Variants in TXLNB observed in about 807,000 individuals in gnomAD.
TXLNB encodes the protein beta-taxilin.
TXLNB carries 37 observed loss-of-function variants against 57.4 expected under a neutral mutation model. The observed-to-expected ratio is 0.64, with a 90% CI of 0.50 to 0.85. The LOEUF (loss-of-function observed/expected upper bound fraction) is 0.85. Among genes scored for constraint, TXLNB ranks in the 40% least tolerant of loss-of-function variants. The pLI, the probability that TXLNB is intolerant of heterozygous loss-of-function variation, is 0.00. For missense variants in TXLNB, 848 were observed against 825.6 expected (o/e 1.03, Z -0.33); for synonymous variants, 302 against 309.6 (o/e 0.98, Z 0.26).
chr6:139,235,631 T>C (rs1485801516), downstream of TXLNB, among the ~76,000 whole-genome samples: 1 of 151,934 alleles, frequency 6.6e-6, no homozygotes, highest in Non-Finnish European at 1.5e-5. Flanking sequence ...CTTATGATAG[T>C]GATATGGGAT....
Position 139,247,784 on chromosome 6 carries a change from G to A in TXLNB, c.1170+33C>T, listed in dbSNP as rs763779803. 5.5e-6 allele frequency: 8 copies of A among 1,448,066 alleles called. No homozygotes were observed. The East Asian group carries it at 1.6e-4, about 30-fold the overall frequency. The allele number at this position is 1,448,066 out of a possible 1,614,324, so 89.7% of individuals were successfully genotyped here. On this transcript the variant is annotated intron_variant, in intron 8 of 9. Transcript: ENST00000358430. ...AAATTTGCCTGTCAAAATAGAAAAT[G>A]TCAATATTTTGTTGGTGATAAGCAA...
chr6:139,190,283 T>A, the TXLNB span, among the ~76,000 whole-genome samples: 1 of 151,402 alleles, frequency 6.6e-6, no homozygotes, highest in Non-Finnish European at 1.5e-5. Context: ...TGGTGTCTGG[T>A]TGAGGGCCTG....
chr6:139,269,704 T>C (rs1047202655), intron 4 of TXLNB, among the ~76,000 whole-genome samples: 3 of 152,204 alleles, frequency 2.0e-5, no homozygotes, highest in African/African-American at 7.2e-5. Flanking sequence ...TGGTGTCTGA[T>C]TAATTATTAT....
chr6:139,266,180 G>C (rs1232702526), intron 4 of TXLNB, among the ~76,000 whole-genome samples: 1 of 152,112 alleles, frequency 6.6e-6, no homozygotes, highest in Non-Finnish European at 1.5e-5. Context: ...CAATATCCAG[G>C]ATCCAATAGA....
At chr6:139,211,744 G>A in the TXLNB span, among the ~76,000 whole-genome samples, 3 of 152,106 alleles carry the variant, frequency 2.0e-5, no homozygotes, top group Non-Finnish European at 2.9e-5. Context: ...AAAATTAGAC[G>A]AATGGATAAC....
At chr6:139,183,832 C>G in the TXLNB span, among the ~76,000 whole-genome samples, 1 of 151,698 alleles carries the variant, frequency 6.6e-6, no homozygotes, top group South Asian at 2.1e-4. Flanking sequence ...AGGTTCGGTA[C>G]GTGCAAAATC....
At chr6:139,323,696 C>G in the TXLNB span, among the ~76,000 whole-genome samples, 1 of 152,220 alleles carries the variant, frequency 6.6e-6, no homozygotes, top group Non-Finnish European at 1.5e-5. Flanking sequence ...CTCTGTACAT[C>G]TGCTGCATTG....
At chr6:139,259,314 C>T (rs1007141059) in intron 6 of TXLNB, among the ~76,000 whole-genome samples, 1 of 152,164 alleles carries the variant, frequency 6.6e-6, no homozygotes, top group African/African-American at 2.4e-5. Flanking sequence ...AGAATGAAAT[C>T]CAAATAACTT....
At chr6:139,268,908 CTCTT>C (rs988594725) in intron 4 of TXLNB, 2 of 151,860 alleles carry the variant, frequency 1.3e-5, no homozygotes, top group Non-Finnish European at 1.5e-5. Flanking sequence ...CTCTCTCTCT[CTCTT>C]TATTTTCTGA....
the TXLNB span, chr6:139,179,227 C>T: frequency 6.6e-6 from 1 of 152,152 alleles, no homozygotes; most frequent in Non-Finnish European, 1.5e-5. Context: ...TTCTCTTGTC[C>T]TCGTAATACC....
chr6:139,262,879 T>C (rs1776522332), intron 4 of TXLNB, 106 bp from the exon 5 acceptor site: 5 of 1,153,270 alleles, frequency 4.3e-6, no homozygotes, highest in Non-Finnish European at 6.0e-6. Context: ...TGGGATGTTT[T>C]TTCTCAGTTC....
At chr6:139,294,205 T>G (rs1443757549), upstream of TXLNB, among the ~76,000 whole-genome samples, 1 of 152,224 alleles carries the variant, frequency 6.6e-6, no homozygotes, top group Admixed American at 6.5e-5. Context: ...TGACAGATAT[T>G]GTTTTGCTGA....
the TXLNB span, among the ~76,000 whole-genome samples, chr6:139,195,021 C>T: frequency 6.6e-6 from 1 of 152,214 alleles, no homozygotes; most frequent in African/African-American, 2.4e-5. Flanking sequence ...TGACACAGGC[C>T]AGGTCTTGCT....
At chr6:139,210,034 A>G in the TXLNB span, among the ~76,000 whole-genome samples, 2 of 152,206 alleles carry the variant, frequency 1.3e-5, no homozygotes, top group Admixed American at 1.3e-4. Flanking sequence ...TACTCCCATC[A>G]AAAAGTGGGC....
At chr6:139,234,760 A>G in the TXLNB span, among the ~76,000 whole-genome samples, 1 of 152,232 alleles carries the variant, frequency 6.6e-6, no homozygotes, top group Non-Finnish European at 1.5e-5. Flanking sequence ...CCCCACTGAG[A>G]CACCGCCTAG....
At chr6:139,282,165 A>C (rs989714148) in intron 2 of TXLNB, among the ~76,000 whole-genome samples, 8 of 150,006 alleles carry the variant, frequency 5.3e-5, no homozygotes, top group Non-Finnish European at 1.5e-5. Flanking sequence ...TCTCCTTCAG[A>C]AAATACCATC....
At position 139,286,932 on chromosome 6, in the gene TXLNB, T is replaced by C. The variant is rs138858873; in HGVS notation, c.424+1544A>G. 2.2e-3 allele frequency: 343 copies of C among 154,958 alleles called. 5 individuals carry two copies. In the East Asian group the frequency reaches 0.036, roughly 16 times the overall value. 9.6% of individuals were successfully genotyped at this position (154,958 alleles called of 1,614,324 possible). On this transcript the variant is annotated intron_variant, in intron 2 of 9. Coordinates refer to ENST00000358430, the MANE Select transcript of TXLNB (RefSeq NM_153235.4). Reference sequence around the variant, plus strand: ...GTTGTATAATCATTTCATTATATCTTACAATGTAATAATAATAGAAATAAG... The same window carrying C: ...GTTGTATAATCATTTCATTATATCTCACAATGTAATAATAATAGAAATAAG...
chr6:139,243,217 TGGA>T lies in TXLNB; in HGVS notation c.1361_1363del (p.Leu454del), dbSNP rs1562270529. 6.2e-7 allele frequency: 1 copy of T among 1,614,222 alleles called. No individual in the cohort carries two copies. Among genetic ancestry groups the T allele is most frequent in the South Asian group, 1.1e-5 (1 of 91,086 alleles). On this transcript the variant is annotated inframe_deletion, in exon 10 of 10. Coordinates refer to ENST00000358430, the MANE Select transcript of TXLNB (RefSeq NM_153235.4). ...TATTTCTGCGTCTCTGATTTTTTTGTGGAGTTCGTTTCTCTCTTCTTGTAAAGC... is the reference window on the plus strand; with the variant it reads ...TATTTCTGCGTCTCTGATTTTTTTGTGTTCGTTTCTCTCTTCTTGTAAAGC...
downstream of TXLNB, among the ~76,000 whole-genome samples, chr6:139,235,157 C>T (rs1015782674): frequency 6.6e-6 from 1 of 152,170 alleles, no homozygotes; most frequent in African/African-American, 2.4e-5. Context: ...ACAGGCGCTC[C>T]TGTTTTCACA....
Sources: gnomAD v4.1 joint callset for allele counts (sites outside exome capture counted in the v4.1 genomes callset) on GRCh38, gnomAD v4.1.1 for gene constraint, MANE v1.5 for transcripts, NCBI Gene and HGNC (gene_info 2026-07-23, HGNC 2026-07-21) for gene names.